DACH2: variants seen among roughly 807,000 people sequenced by gnomAD.
The protein encoded by DACH2 is dachshund homolog 2.
DACH2 carries 17 observed loss-of-function variants against 35.8 expected under a neutral mutation model. The ratio of observed to expected loss-of-function variants is 0.48; its 90% CI spans 0.33 to 0.71. The LOEUF (loss-of-function observed/expected upper bound fraction) is 0.71. DACH2 is among the 30% of genes least tolerant of loss of function. The probability of loss-of-function intolerance (pLI) is 0.02; values close to 1 mark genes in which losing one functional copy is unlikely to be tolerated. For missense variants in DACH2, 469 were observed against 472.7 expected, an observed-to-expected ratio of 0.99 and a Z score of 0.07; for synonymous variants, 195 against 177.3, an observed-to-expected ratio of 1.10 and a Z score of -0.79.
chrX:86,367,761 T>C (rs753869896), intron 1 of DACH2, among the ~76,000 whole-genome samples: 1 of 111,949 alleles, frequency 8.9e-6, no homozygotes, highest in East Asian at 2.8e-4. Flanking sequence ...ACGTTCAGAA[T>C]TGGCTGTTGT....
chrX:86,434,803 T>C (rs2001116), intron 2 of DACH2, among the ~76,000 whole-genome samples: 4,450 of 111,736 alleles, frequency 0.04, 93 homozygotes, highest in Non-Finnish European at 0.063. Context: ...TTGTGCAGGC[T>C]GTACAGGAAT....
rs565002953 is a variant in DACH2 at position 86,195,180 on chromosome X, T to A, written c.488+46072T>A. On this transcript the variant is annotated intron_variant, in intron 1 of 11. Transcript: ENST00000373125. ...CCTGCCAGCCAGAATAGTGTGTGCA[T>A]GCACTCTGCCCTTCCACTGCCACAG... Among the ~76,000 whole-genome samples, 27 of 112,393 alleles carry A rather than the reference T, an allele frequency of 2.4e-4. No homozygotes were observed. The South Asian group carries it at 9.5e-3, about 40-fold the overall frequency.
intron 3 of DACH2, among the ~76,000 whole-genome samples, chrX:86,617,460 G>C (rs1222663220): frequency 1.8e-5 from 2 of 111,087 alleles, no homozygotes; most frequent in Non-Finnish European, 3.8e-5. Context: ...TTTTAGCAGT[G>C]TTTTGTAATT....
At chrX:86,827,642 A>G (rs758776343) in intron 11 of DACH2, 50 of 541,278 alleles carry the variant, frequency 9.2e-5, no homozygotes, top group Non-Finnish European at 1.4e-4. Context: ...AATCTTGAAC[A>G]TATATAGCAC....
chrX:86,644,319 A>G (rs2040387453), intron 3 of DACH2, among the ~76,000 whole-genome samples: 2 of 111,613 alleles, frequency 1.8e-5, no homozygotes, highest in South Asian at 3.7e-4. Flanking sequence ...AATCCCACTT[A>G]TAATTGTCAC....
intron 1 of DACH2, among the ~76,000 whole-genome samples, chrX:86,367,023 A>G (rs912166849): frequency 9.0e-6 from 1 of 111,074 alleles, no homozygotes; most frequent in African/African-American, 3.3e-5. Flanking sequence ...TTTTTTAAAG[A>G]TGCAGCATTT....
In DACH2 at chrX:86,148,672, G is replaced by C. The variant is rs1205472844; in HGVS notation, c.52G>C (p.Val18Leu). 2 of 1,199,323 alleles carry C rather than the reference G, an allele frequency of 1.7e-6. No individual in the cohort carries two copies. The highest frequency in any genetic ancestry group is 1.8e-5 in the African/African-American group (1 of 56,571). The change falls in exon 1 of 12, where the codon GTC becomes CTC. Residue 18 changes from valine (V) to leucine (L), a missense_variant. By Grantham distance (32) the Val-to-Leu change is conservative (BLOSUM62 1). Around this residue, in one of 3 missense-constraint regions of DACH2, gnomAD observed 99 missense variants for 114.3 expected, o/e 0.87. Coordinates refer to ENST00000373125, the MANE Select transcript of DACH2 (RefSeq NM_053281.3). The stretch of plus-strand genomic sequence containing the variant: ...CTCTGCAACTTCCAGCGGCGCCGGC[G>C]TCCCGGGGGGCTTATTCCGGGCCGA... ...VISATSSGAGVPGGLFRAEPL... is the reference protein window; with the variant it reads ...VISATSSGAGLPGGLFRAEPL...
chrX:86,294,706 G>T (rs777062385), intron 1 of DACH2, among the ~76,000 whole-genome samples: 509 of 110,364 alleles, frequency 4.6e-3, no homozygotes, highest in Non-Finnish European at 8.1e-3. Flanking sequence ...TGCCCCTGCT[G>T]GGGGGTGCCT....
At chrX:86,202,210 T>C (rs2147903342) in intron 1 of DACH2, among the ~76,000 whole-genome samples, 1 of 111,247 alleles carries the variant, frequency 9.0e-6, no homozygotes, top group Non-Finnish European at 1.9e-5. Context: ...TGGAAGAGCA[T>C]ATACTTTATT....
At chrX:86,799,039 G>T in intron 7 of DACH2, 1 of 275,775 alleles carries the variant, frequency 3.6e-6, no homozygotes. Context: ...AGATTTTATA[G>T]CAGGTGGTAT....
At chrX:86,442,218 G>A (rs983876377) in intron 2 of DACH2, among the ~76,000 whole-genome samples, 2 of 109,694 alleles carry the variant, frequency 1.8e-5, no homozygotes, top group African/African-American at 3.3e-5. Context: ...TGAAGTGATC[G>A]CTCATTGTGG....
intron 1 of DACH2, among the ~76,000 whole-genome samples, chrX:86,188,186 TGTAACTGGCAGGA>T (rs1363508389): frequency 8.9e-6 from 1 of 112,261 alleles, no homozygotes; most frequent in East Asian, 2.8e-4. Context: ...CTGCTAATGA[TGTAACTGGCAGGA>T]GTCTCTAAGA....
chrX:86,207,221 G>A (rs2032334066), intron 1 of DACH2, among the ~76,000 whole-genome samples: 1 of 111,246 alleles, frequency 9.0e-6, no homozygotes, highest in Non-Finnish European at 1.9e-5. Flanking sequence ...TTGTGTTTCA[G>A]GCCACTCTTC....
intron 2 of DACH2, among the ~76,000 whole-genome samples, chrX:86,461,753 G>C (rs930210740): frequency 1.2e-4 from 13 of 111,410 alleles, no homozygotes; most frequent in African/African-American, 4.2e-4. Flanking sequence ...TGGAGGTTCT[G>C]TGAAAGCAAA....
intron 3 of DACH2, among the ~76,000 whole-genome samples, chrX:86,595,140 C>T (rs1026334244): frequency 7.2e-5 from 8 of 111,122 alleles, no homozygotes; most frequent in African/African-American, 2.6e-4. Flanking sequence ...TTTTTAGAGT[C>T]AGGATCTCAC....
intron 7 of DACH2, among the ~76,000 whole-genome samples, chrX:86,761,319 T>C (rs756501670): frequency 1.8e-5 from 2 of 111,642 alleles, no homozygotes; most frequent in Non-Finnish European, 3.8e-5. Context: ...CCTGGGTTAG[T>C]TTGCTGAGGA....
chrX:86,290,035 C>T (rs2034245072), intron 1 of DACH2, among the ~76,000 whole-genome samples: 1 of 93,367 alleles, frequency 1.1e-5, no homozygotes, highest in African/African-American at 4.1e-5. Flanking sequence ...TACAGTCCCA[C>T]CAACAGTGTA....
At chrX:86,789,881 C>G (rs886097791) in intron 7 of DACH2, among the ~76,000 whole-genome samples, 1 of 111,226 alleles carries the variant, frequency 9.0e-6, no homozygotes, top group Admixed American at 9.6e-5. Flanking sequence ...TAGATGTCAC[C>G]TATTTCCCTA....
intron 2 of DACH2, among the ~76,000 whole-genome samples, chrX:86,436,462 TG>T (rs1339181871): frequency 9.0e-6 from 1 of 110,683 alleles, no homozygotes; most frequent in East Asian, 2.8e-4. Context: ...GTTGAGGTGA[TG>T]GACTGTGTTA....
Sources: allele counts gnomAD v4.1 joint callset (sites outside exome capture counted in the v4.1 genomes callset), GRCh38; gene constraint gnomAD v4.1.1; regional missense constraint gnomAD v4.1.1; transcripts MANE v1.5; gene names NCBI Gene and HGNC (gene_info 2026-07-23, HGNC 2026-07-21).